The following PBX3 variants were observed in gnomAD, a reference collection of about 807,000 sequenced individuals.
PBX3 encodes PBX homeobox 3.
PBX3 carries 14 observed loss-of-function variants against 48.5 expected under a neutral mutation model. The ratio of observed to expected loss-of-function variants is 0.29; its 90% CI spans 0.19 to 0.45. The LOEUF is 0.45. Among genes scored for constraint, PBX3 ranks in the 20% least tolerant of loss-of-function variants. The pLI, the probability that PBX3 is intolerant of heterozygous loss-of-function variation, is 1.00. For synonymous variants in PBX3, 210 were observed against 200.3 expected, an observed-to-expected ratio of 1.05 and a Z score of -0.41; for missense variants, 386 against 546.7, an observed-to-expected ratio of 0.71 and a Z score of 2.93.
At chr9:125,790,106 T>C (rs1837558045) in intron 2 of PBX3, among the ~76,000 whole-genome samples, 1 of 152,138 alleles carries the variant, frequency 6.6e-6, no homozygotes, top group African/African-American at 2.4e-5. Flanking sequence ...ATAATGTAAG[T>C]GTATAATAAG....
intron 2 of PBX3, 106 bp downstream of exon 2, chr9:125,748,729 T>C: frequency 1.3e-6 from 1 of 754,100 alleles, no homozygotes; most frequent in Non-Finnish European, 2.2e-6. Flanking sequence ...CACCGCCATC[T>C]TTGATCATTC....
Position 125,759,443 on chromosome 9 carries a change from A to G in PBX3, c.274+10820A>G, listed in dbSNP as rs1302154453. On this transcript the variant is annotated intron_variant, in intron 2 of 8. Transcript: ENST00000373489. This position sits in a 1 kb window ranked among gnomAD's most constrained non-coding sequence, Gnocchi z 4.2. The stretch of plus-strand genomic sequence containing the variant: ...TACTTCCTATTTGTTGTGCAAGGGA[A>G]TTGGAACAGTGAGGCATTTATCATA... Among the ~76,000 whole-genome samples, 1 of 152,206 alleles carries G rather than the reference A, an allele frequency of 6.6e-6. No individual in the cohort carries two copies. Among genetic ancestry groups the G allele is most frequent in the Non-Finnish European group, 1.5e-5 (1 of 68,026 alleles).
At chr9:125,791,281 ATCTGTCTGTCTG>A (rs78566375) in intron 2 of PBX3, among the ~76,000 whole-genome samples, 2 of 143,414 alleles carry the variant, frequency 1.4e-5, no homozygotes, top group African/African-American at 5.4e-5. Flanking sequence ...ATACATTTTT[ATCTGTCTGTCTG>A]TCTGTCTGTC....
At chr9:125,760,915 T>C (rs191775305) in intron 2 of PBX3, among the ~76,000 whole-genome samples, 7 of 152,338 alleles carry the variant, frequency 4.6e-5, no homozygotes, top group African/African-American at 1.7e-4. Context: ...GCTGTACCAA[T>C]ATTTTACATT....
At chr9:125,780,412 G>A (rs1373598600) in intron 2 of PBX3, among the ~76,000 whole-genome samples, 3 of 67,852 alleles carry the variant, frequency 4.4e-5, no homozygotes, top group Non-Finnish European at 2.8e-5. Flanking sequence ...CGGGCGGGGG[G>A]CTGACCCCCC....
chr9:125,865,382 G>T, intron 2 of PBX3: 1 of 167,164 alleles, frequency 6.0e-6, no homozygotes. Flanking sequence ...GAAAATAATT[G>T]TGTTTCTTAG....
chr9:125,875,972 C>G (rs1331641844), intron 2 of PBX3, among the ~76,000 whole-genome samples: 1 of 152,204 alleles, frequency 6.6e-6, no homozygotes, highest in Non-Finnish European at 1.5e-5. Flanking sequence ...TTCTCACACT[C>G]CCTTATGTCC....
At chr9:125,818,065 G>A (rs1838520290) in intron 2 of PBX3, among the ~76,000 whole-genome samples, 1 of 151,944 alleles carries the variant, frequency 6.6e-6, no homozygotes, top group South Asian at 2.1e-4. Flanking sequence ...CTAGCATAGT[G>A]GCTCACACCT....
At chr9:125,780,220 T>A (rs1203523405) in intron 2 of PBX3, among the ~76,000 whole-genome samples, 1 of 47,506 alleles carries the variant, frequency 2.1e-5, no homozygotes, top group South Asian at 7.5e-4. Flanking sequence ...CCCGGACGGG[T>A]CGGCTGGCCG....
chr9:125,916,119 C>G (rs758304528), intron 3 of PBX3, among the ~76,000 whole-genome samples, 192 bp downstream of exon 3: 6 of 152,150 alleles, frequency 3.9e-5, no homozygotes, highest in Non-Finnish European at 8.8e-5. Flanking sequence ...GGAGGAGGAG[C>G]GCTACCTATT....
Position 125,867,511 on chromosome 9 carries a change from G to A in PBX3, c.275-48175G>A, listed in dbSNP as rs141072829. Among the ~76,000 whole-genome samples, 24 of 151,526 alleles carry A rather than the reference G, an allele frequency of 1.6e-4. No individual in the cohort carries two copies. In the East Asian group the frequency reaches 1.9e-3, roughly 12 times the overall value. ...AAAAATTAGCTGGGCATGGAGGTGC[G>A]CACCTGTAATGCCAGCTACTCAGGA... On this transcript the variant is annotated intron_variant, in intron 2 of 8. Coordinates refer to ENST00000373489, the MANE Select transcript of PBX3 (RefSeq NM_006195.6).
In PBX3 at chr9:125,859,065, G is replaced by A. The variant is rs183226156; in HGVS notation, c.275-56621G>A. Among the ~76,000 whole-genome samples, 54 of 152,316 alleles carry A rather than the reference G, an allele frequency of 3.5e-4. No homozygotes were observed. In the East Asian group the frequency reaches 9.5e-3, roughly 27 times the overall value. On this transcript the variant is annotated intron_variant, in intron 2 of 8. Coordinates refer to ENST00000373489, the MANE Select transcript of PBX3 (RefSeq NM_006195.6). ...TCTAAGGCCTGTGCATGTTTACAGG[G>A]AGAGGTCAGGTGGCCCACAGAGGGT...
At chr9:125,954,779 C>T (rs552792719) in intron 5 of PBX3, among the ~76,000 whole-genome samples, 7 of 152,270 alleles carry the variant, frequency 4.6e-5, no homozygotes, top group South Asian at 2.1e-4. Flanking sequence ...CCTCGTGATC[C>T]GCCCGCCTCG....
At chr9:125,876,939 A>C (rs1840267252) in intron 2 of PBX3, among the ~76,000 whole-genome samples, 1 of 151,534 alleles carries the variant, frequency 6.6e-6, no homozygotes, top group Non-Finnish European at 1.5e-5. Flanking sequence ...ACACCCAGCT[A>C]ATTTTTGTCT....
chr9:125,909,795 C>G (rs894041304), intron 2 of PBX3, among the ~76,000 whole-genome samples: 1 of 152,028 alleles, frequency 6.6e-6, no homozygotes, highest in Non-Finnish European at 1.5e-5. Flanking sequence ...TCGGTCCTGC[C>G]CAGGAGTCTA....
At chr9:125,895,483 T>C (rs1392263573) in intron 2 of PBX3, among the ~76,000 whole-genome samples, 48 of 152,012 alleles carry the variant, frequency 3.2e-4, no homozygotes, top group Admixed American at 3.0e-3. Context: ...TTGCATTTTC[T>C]TTCACCCCTT....
chr9:125,877,358 T>G (rs548812139), intron 2 of PBX3, among the ~76,000 whole-genome samples: 1 of 152,304 alleles, frequency 6.6e-6, no homozygotes, highest in South Asian at 2.1e-4. Flanking sequence ...CAAATCTATT[T>G]GGGTTTGCAA....
chr9:125,792,785 G>A (rs543486503), intron 2 of PBX3, among the ~76,000 whole-genome samples: 5 of 148,854 alleles, frequency 3.4e-5, no homozygotes, highest in South Asian at 4.3e-4. Context: ...TGCAACCTCC[G>A]CCTCCTGGGT....
chr9:125,846,930 G>A (rs1162249279), intron 2 of PBX3, among the ~76,000 whole-genome samples: 1 of 149,608 alleles, frequency 6.7e-6, no homozygotes, highest in African/African-American at 2.5e-5. Flanking sequence ...GTACTTTTTT[G>A]TTGAAAAAAT....
Sources: gnomAD v4.1 joint callset for allele counts (sites outside exome capture counted in the v4.1 genomes callset) on GRCh38, gnomAD v4.1.1 for gene constraint, Gnocchi (gnomAD v3.1) non-coding constraint, MANE v1.5 for transcripts, NCBI Gene and HGNC (gene_info 2026-07-23, HGNC 2026-07-21) for gene names.